Variants in PTPRK observed in about 807,000 individuals in gnomAD.
PTPRK encodes protein tyrosine phosphatase receptor type K.
A neutral mutation model predicts 178.0 loss-of-function variants in PTPRK; 75 were observed. That is an observed-to-expected ratio of 0.42 (90% CI 0.35 to 0.51). The LOEUF is 0.51. Ranked by LOEUF, PTPRK falls within the 20% of genes least tolerant of loss-of-function variation. The pLI is 0.02. For missense variants in PTPRK, 1,441 were observed against 1,797.8 expected, an observed-to-expected ratio of 0.80 and a Z score of 3.59; for synonymous variants, 637 against 620.6, an observed-to-expected ratio of 1.03 and a Z score of -0.39.
chr6:128,071,253 T>C (rs1782773770), intron 11 of PTPRK, among the ~76,000 whole-genome samples: 1 of 151,972 alleles, frequency 6.6e-6, no homozygotes, highest in South Asian at 2.1e-4. Flanking sequence ...AAAACTAAAA[T>C]GTATACTTTC....
chr6:128,110,299 T>C (rs1356106513), intron 7 of PTPRK, among the ~76,000 whole-genome samples: 1 of 152,172 alleles, frequency 6.6e-6, no homozygotes, highest in Non-Finnish European at 1.5e-5. Context: ...CAGGACACCC[T>C]ATTTACAAAA....
chr6:128,302,952 C>T (rs974372515), intron 3 of PTPRK, among the ~76,000 whole-genome samples: 2 of 150,536 alleles, frequency 1.3e-5, no homozygotes, highest in African/African-American at 5.0e-5. Flanking sequence ...TACACATACA[C>T]ACACACACAA....
chr6:127,983,945 G>T (rs1467158629), intron 22 of PTPRK, among the ~76,000 whole-genome samples: 2 of 138,228 alleles, frequency 1.4e-5, no homozygotes, highest in Non-Finnish European at 3.2e-5. Flanking sequence ...AAGGGGAGGA[G>T]AGTAACAGTG....
intron 1 of PTPRK, among the ~76,000 whole-genome samples, chr6:128,431,258 C>T (rs959213264): frequency 6.6e-6 from 1 of 152,064 alleles, no homozygotes; most frequent in African/African-American, 2.4e-5. Flanking sequence ...AATTATTGTG[C>T]AAATGTGTGG....
chr6:128,475,848 C>G (rs1302188093), intron 1 of PTPRK, among the ~76,000 whole-genome samples: 2 of 151,956 alleles, frequency 1.3e-5, no homozygotes, highest in African/African-American at 4.8e-5. Flanking sequence ...GGAGAAAAAG[C>G]AGGAAGCACT....
intron 1 of PTPRK, among the ~76,000 whole-genome samples, chr6:128,430,818 A>AC (rs778908821): frequency 8.6e-5 from 13 of 151,984 alleles, no homozygotes; most frequent in Non-Finnish European, 1.6e-4. Context: ...GGCACCACAC[A>AC]CCCCCGGGGA....
At chr6:127,987,006 A>G (rs1475629339) in intron 21 of PTPRK, among the ~76,000 whole-genome samples, 1 of 152,116 alleles carries the variant, frequency 6.6e-6, no homozygotes, top group Non-Finnish European at 1.5e-5. Context: ...ACCTTTTGCT[A>G]CTTTTCAACT....
At chr6:128,055,632 C>T (rs1216345339) in intron 13 of PTPRK, among the ~76,000 whole-genome samples, 1 of 151,996 alleles carries the variant, frequency 6.6e-6, no homozygotes, top group Non-Finnish European at 1.5e-5. Context: ...CAGGGTCTTG[C>T]TCTGTTGCCC....
rs536844484 is a variant in PTPRK at position 127,980,773 on chromosome 6, G to A, written c.3711+343C>T. Reference sequence around the variant, plus strand: ...ATTTTTGTAGGATTTGGCATTCTGTGATTTAAAAAATTCATTTCTAATTAT... The same window carrying A: ...ATTTTTGTAGGATTTGGCATTCTGTAATTTAAAAAATTCATTTCTAATTAT... On this transcript the variant is annotated intron_variant, in intron 25 of 29. Transcript: ENST00000368226. Among the ~76,000 whole-genome samples the A allele has an allele frequency of 8.5e-5, 13 of 152,176 alleles. No homozygotes were observed. In the South Asian group the frequency reaches 2.5e-3, roughly 29 times the overall value.
chr6:128,390,045 T>C (rs1022128266), intron 2 of PTPRK, among the ~76,000 whole-genome samples: 2 of 152,120 alleles, frequency 1.3e-5, no homozygotes, highest in African/African-American at 4.8e-5. Context: ...TGTGGCAAAC[T>C]ATCTTCTCTG....
chr6:128,215,807 T>A lies in PTPRK; in HGVS notation c.868+3115A>T, dbSNP rs372358983. Among the ~76,000 whole-genome samples the A allele has an allele frequency of 8.5e-5, 13 of 152,240 alleles. No homozygotes were observed. In the South Asian group the frequency reaches 1.7e-3, roughly 19 times the overall value. On this transcript the variant is annotated intron_variant, in intron 6 of 29. Transcript: ENST00000368226. Reference sequence around the variant, plus strand: ...CAGCTCTTATTAAAGACTATTCATATCACTGCCCCCAAAATTTCCTTTAAA... The same window carrying A: ...CAGCTCTTATTAAAGACTATTCATAACACTGCCCCCAAAATTTCCTTTAAA...
chr6:128,415,362 T>C (rs1356151722), intron 1 of PTPRK, among the ~76,000 whole-genome samples: 1 of 152,238 alleles, frequency 6.6e-6, no homozygotes, highest in African/African-American at 2.4e-5. Context: ...TTGTTCTTAA[T>C]GTCCAAAGCC....
intron 13 of PTPRK, among the ~76,000 whole-genome samples, chr6:128,036,665 ATTGT>A (rs1776272756): frequency 6.6e-6 from 1 of 152,220 alleles, no homozygotes; most frequent in Non-Finnish European, 1.5e-5. Context: ...TACATCAAAA[ATTGT>A]AAAGGAACCT....
At chr6:128,000,172 A>AC (rs1777640969) in intron 15 of PTPRK, 1 of 895,936 alleles carries the variant, frequency 1.1e-6, no homozygotes, top group Non-Finnish European at 1.3e-6. Flanking sequence ...TCTTAGGGGA[A>AC]CTTTTTTTTT....
Position 128,354,274 on chromosome 6 carries a change from G to T in PTPRK, c.224-31964C>A, listed in dbSNP as rs1476864117. ...TTTTTTTGAGACTGAGTCTCACTCT[G>T]TCGCCCAGGCTGGAGTGTAGTGGCA... On this transcript the variant is annotated intron_variant, in intron 2 of 29. Coordinates refer to ENST00000368226, the MANE Select transcript of PTPRK (RefSeq NM_002844.4). 5.8e-5 allele frequency among the ~76,000 whole-genome samples: 5 copies of T among 85,718 alleles called. No individual in the cohort carries two copies. The East Asian group carries it at 1.5e-3, about 26-fold the overall frequency. The allele number at this position is 85,718 out of a possible 152,430, so 56.2% of individuals were successfully genotyped here. A position where few individuals can be genotyped will look rare whatever the true frequency, so the allele number is the denominator to read the frequency against.
intron 6 of PTPRK, among the ~76,000 whole-genome samples, chr6:128,185,325 A>G (rs922163212): frequency 2.0e-5 from 3 of 152,340 alleles, no homozygotes; most frequent in Admixed American, 6.5e-5. Context: ...TTCACCAACT[A>G]TTAAACTCAA....
At chr6:128,354,601 CT>C (rs1370596800) in intron 2 of PTPRK, among the ~76,000 whole-genome samples, 1 of 152,050 alleles carries the variant, frequency 6.6e-6, no homozygotes, top group African/African-American at 2.4e-5. Flanking sequence ...TTATTCATGT[CT>C]TTTTTACCAC....
intron 11 of PTPRK, among the ~76,000 whole-genome samples, chr6:128,071,902 C>T (rs1782892054): frequency 6.6e-6 from 1 of 151,956 alleles, no homozygotes; most frequent in African/African-American, 2.4e-5. Context: ...TTGTTATTTT[C>T]TTATTTATCA....
rs151251158 is a variant in PTPRK, at chr6:127,985,719, A to G, written c.3251+2T>C. The G allele has an allele frequency of 7.8e-5, 125 of 1,609,758 alleles. 1 individual carries two copies. The African/African-American group carries it at 1.3e-3, about 17-fold the overall frequency. ...GTCAATACCATTTGGACCACCACTT[A>G]CCTGCAATGTACAACGATGGGGCCA... On this transcript the variant is annotated splice_donor_variant, in intron 22 of 29. Transcript: ENST00000368226. LOFTEE classifies it high-confidence loss of function.
Sources: gnomAD v4.1 joint callset for allele counts (sites outside exome capture counted in the v4.1 genomes callset) on GRCh38, gnomAD v4.1.1 for gene constraint, MANE v1.5 for transcripts, NCBI Gene and HGNC (gene_info 2026-07-23, HGNC 2026-07-21) for gene names.